CRTAC1: variants seen among roughly 807,000 people sequenced by gnomAD.
The protein encoded by CRTAC1 is cartilage acidic protein 1, also known as acidic secreted protein in cartilage.
CRTAC1 carries 37 observed loss-of-function variants against 67.8 expected under a neutral mutation model. The observed-to-expected ratio is 0.55, with a 90% CI of 0.42 to 0.72. The LOEUF (loss-of-function observed/expected upper bound fraction) is 0.72, where lower values mean the gene tolerates loss of function less well. Ranked by LOEUF, CRTAC1 falls within the 30% of genes least tolerant of loss-of-function variation. The pLI, the probability that CRTAC1 is intolerant of heterozygous loss-of-function variation, is 0.00. For missense variants in CRTAC1, 780 were observed against 931.6 expected, an observed-to-expected ratio of 0.84 and a Z score of 2.12; for synonymous variants, 348 against 371.0, an observed-to-expected ratio of 0.94 and a Z score of 0.71.
intron 5 of CRTAC1, among the ~76,000 whole-genome samples, chr10:97,916,653 C>T (rs1196703160): frequency 2.6e-5 from 4 of 152,192 alleles, no homozygotes; most frequent in Admixed American, 1.3e-4. Context: ...CTGCTGCACA[C>T]GTTGGGATGG....
chr10:98,025,323 A>C (rs1388829004), intron 1 of CRTAC1, among the ~76,000 whole-genome samples: 1 of 152,142 alleles, frequency 6.6e-6, no homozygotes, highest in Non-Finnish European at 1.5e-5. Flanking sequence ...GCCTCTACCT[A>C]GTGGATACTA....
chr10:97,920,373 C>T (rs960533012), intron 4 of CRTAC1, among the ~76,000 whole-genome samples: 4 of 152,184 alleles, frequency 2.6e-5, no homozygotes, highest in African/African-American at 9.7e-5. Flanking sequence ...GTGAACTTGA[C>T]CATGGTAATT....
At chr10:97,942,709 ATCTG>A (rs1357870626) in intron 2 of CRTAC1, among the ~76,000 whole-genome samples, 9 of 152,014 alleles carry the variant, frequency 5.9e-5, no homozygotes, top group African/African-American at 2.2e-4. Context: ...AAAATATGCT[ATCTG>A]TTTGAAAATT....
intron 2 of CRTAC1, among the ~76,000 whole-genome samples, chr10:97,985,769 G>A (rs1396422316): frequency 1.3e-5 from 2 of 152,168 alleles, no homozygotes; most frequent in Non-Finnish European, 1.5e-5. Context: ...GGAAAACCAC[G>A]TGCATGCATC....
intron 3 of CRTAC1, among the ~76,000 whole-genome samples, chr10:97,930,757 C>T (rs1384188692): frequency 2.6e-5 from 4 of 152,264 alleles, no homozygotes; most frequent in African/African-American, 4.8e-5. Context: ...ATACCCTTCT[C>T]TCTAGCGTGG....
chr10:98,028,584 G>A (rs1189588810), intron 1 of CRTAC1, among the ~76,000 whole-genome samples: 1 of 152,182 alleles, frequency 6.6e-6, no homozygotes, highest in African/African-American at 2.4e-5. Flanking sequence ...GCCATAGGAC[G>A]TCTTAACCAA....
chr10:98,006,394 C>T (rs1842790981), intron 2 of CRTAC1, among the ~76,000 whole-genome samples: 1 of 152,176 alleles, frequency 6.6e-6, no homozygotes, highest in Non-Finnish European at 1.5e-5. Context: ...AACAGATAAG[C>T]CCTCCATATG....
chr10:97,892,689 A>G (rs1334941297), intron 11 of CRTAC1, among the ~76,000 whole-genome samples: 1 of 152,250 alleles, frequency 6.6e-6, no homozygotes, highest in Non-Finnish European at 1.5e-5. Context: ...TGCCTGGCAC[A>G]TACTAATTGC....
intron 2 of CRTAC1, among the ~76,000 whole-genome samples, chr10:97,986,206 C>T (rs2051980549): frequency 6.6e-6 from 1 of 152,186 alleles, no homozygotes; most frequent in Admixed American, 6.5e-5. Context: ...AACAGACTGC[C>T]ACCACACCGG....
chr10:97,994,856 G>A (rs1310463514), intron 2 of CRTAC1, among the ~76,000 whole-genome samples: 1 of 152,216 alleles, frequency 6.6e-6, no homozygotes, highest in African/African-American at 2.4e-5. Flanking sequence ...TGAAGGTCCT[G>A]TGGAGGCCCA....
intron 2 of CRTAC1, among the ~76,000 whole-genome samples, chr10:97,957,800 G>A (rs1395046084): frequency 1.3e-5 from 2 of 152,154 alleles, no homozygotes; most frequent in Admixed American, 6.5e-5. Context: ...GGAATGAAGT[G>A]CATGAAATAC....
Position 98,011,147 on chromosome 10 carries a change from A to G in CRTAC1, c.215T>C (p.Val72Ala). 2 of 1,614,148 alleles carry G rather than the reference A, an allele frequency of 1.2e-6. No homozygotes were observed. Among genetic ancestry groups the G allele is most frequent in the Non-Finnish European group, 8.5e-7 (1 of 1,179,990 alleles). Residue 72 changes from valine to alanine, a missense_variant, in exon 2 of 15, where the codon GTC becomes GCC. Transcript: ENST00000370597. The part of the protein sequence containing the change: ...DVDHDGDFEI[V>A]VAGYNGPNLV... Reference sequence around the variant, plus strand: ...GGTGGGAGGCACTTACCCCGCCACGACGATCTCAAAGTCCCCATCATGGTC... The same window carrying G: ...GGTGGGAGGCACTTACCCCGCCACGGCGATCTCAAAGTCCCCATCATGGTC...
intron 2 of CRTAC1, among the ~76,000 whole-genome samples, chr10:97,996,405 C>T (rs1230604246): frequency 1.3e-5 from 2 of 151,644 alleles, no homozygotes; most frequent in Non-Finnish European, 2.9e-5. Flanking sequence ...CAAACAACCC[C>T]ATCAAAAAGT....
chr10:97,867,840 C>G (rs1354522410), intron 14 of CRTAC1: 1 of 152,200 alleles, frequency 6.6e-6, no homozygotes, highest in African/African-American at 2.4e-5. Flanking sequence ...CTGAACTGGA[C>G]CTGACATGGG....
At chr10:97,941,797 C>A (rs181350764) in intron 2 of CRTAC1, among the ~76,000 whole-genome samples, 18 of 152,202 alleles carry the variant, frequency 1.2e-4, no homozygotes, top group African/African-American at 4.1e-4. Flanking sequence ...CACACTGTAG[C>A]CAGAGTCATC....
chr10:97,928,713 A>G (rs1039766305), intron 3 of CRTAC1, among the ~76,000 whole-genome samples: 1 of 152,140 alleles, frequency 6.6e-6, no homozygotes, highest in African/African-American at 2.4e-5. Context: ...CTGAACTGGG[A>G]CTGGAAGGGT....
At chr10:97,984,229 C>T (rs905786986) in intron 2 of CRTAC1, among the ~76,000 whole-genome samples, 39 of 152,212 alleles carry the variant, frequency 2.6e-4, no homozygotes, top group African/African-American at 3.1e-4. Flanking sequence ...GGCTTGGAAA[C>T]GTGTCTCCAG....
At chr10:97,962,950 A>T (rs1327381341) in intron 2 of CRTAC1, among the ~76,000 whole-genome samples, 1 of 152,144 alleles carries the variant, frequency 6.6e-6, no homozygotes, top group Non-Finnish European at 1.5e-5. Flanking sequence ...GATAAAAGAG[A>T]CTGCACTGAG....
At chr10:97,875,980 C>T (rs932582617) in intron 14 of CRTAC1, 2 of 152,146 alleles carry the variant, frequency 1.3e-5, no homozygotes, top group African/African-American at 2.4e-5. Context: ...GCCCGCCTGG[C>T]GAGGGGACTC....
Sources: allele counts gnomAD v4.1 joint callset (sites outside exome capture counted in the v4.1 genomes callset), GRCh38; gene constraint gnomAD v4.1.1; transcripts MANE v1.5; gene names NCBI Gene and HGNC (gene_info 2026-07-23, HGNC 2026-07-21).